The following SEC22B variants were observed in gnomAD, a reference collection of about 807,000 sequenced individuals.
SEC22B encodes SEC22 homolog B, vesicle trafficking protein, also known as vesicle-trafficking protein SEC22b.
SEC22B carries 10 observed loss-of-function variants against 31.4 expected under a neutral mutation model. The ratio of observed to expected loss-of-function variants is 0.32; its 90% CI spans 0.20 to 0.54. The LOEUF is 0.54. Among genes scored for constraint, SEC22B ranks in the 20% least tolerant of loss-of-function variants. The pLI is 0.94. For missense variants in SEC22B, 130 were observed against 263.4 expected, an observed-to-expected ratio of 0.49 and a Z score of 3.50; for synonymous variants, 60 against 95.9, an observed-to-expected ratio of 0.63 and a Z score of 2.19.
At chr1:120,157,325 C>T in intron 4 of SEC22B, 133 bp from the exon 5 acceptor site, 1 of 603,828 alleles carries the variant, frequency 1.7e-6, no homozygotes, top group Non-Finnish European at 2.6e-6. Flanking sequence ...TTAAGGCTAA[C>T]ATTGCATATA....
chr1:120,164,720 G>T (rs1657779291), intron 2 of SEC22B, among the ~76,000 whole-genome samples: 2 of 152,182 alleles, frequency 1.3e-5, no homozygotes, highest in South Asian at 4.1e-4. Context: ...GTGCTGCAAT[G>T]AATATGCAAG....
Position 120,160,489 on chromosome 1 carries a change from G to T in SEC22B, c.388C>A (p.Arg130Ser), listed in dbSNP as rs1241649159. The T allele has an allele frequency of 1.1e-5, 18 of 1,605,564 alleles. No homozygotes were observed. The highest frequency in any genetic ancestry group is 1.5e-5 in the Non-Finnish European group (18 of 1,175,418). The change falls in exon 4 of 5, where the codon CGT becomes AGT. Residue 130 changes from arginine to serine, a missense_variant. Physicochemically the swap from Arg to Ser is moderately radical, Grantham distance 110. Coordinates refer to ENST00000578049, the MANE Select transcript of SEC22B (RefSeq NM_004892.6). ...QKTKKLYIDS[R>S]ARRNLGSINT... is the part of the protein sequence containing the mutation. ...ATGGAGCCTAGATTTCTTCGAGCACGACTGTCAATGTAGAGCTTCTTGGTT... is the reference window on the plus strand; with the variant it reads ...ATGGAGCCTAGATTTCTTCGAGCACTACTGTCAATGTAGAGCTTCTTGGTT...
At chr1:120,169,064 A>T (rs1657854495) in intron 1 of SEC22B, 115 bp from the exon 2 acceptor site, 1 of 382,094 alleles carries the variant, frequency 2.6e-6, no homozygotes, top group African/African-American at 2.2e-5. Flanking sequence ...GGTAAGTAAG[A>T]TTCATTTTAA....
chr1:120,163,950 T>C (rs1308685202), intron 2 of SEC22B, among the ~76,000 whole-genome samples: 7 of 130,484 alleles, frequency 5.4e-5, no homozygotes, highest in Admixed American at 1.4e-4. Flanking sequence ...ATTCTCTTTT[T>C]TTTTTTTTTT....
At chr1:120,176,268 C>A in intron 1 of SEC22B, 39 bp downstream of exon 1, 2 of 1,592,510 alleles carry the variant, frequency 1.3e-6, no homozygotes. Context: ...AGCGCGCTGA[C>A]AGAGACTTGG....
In SEC22B at chr1:120,155,168, T is replaced by C. The variant is rs1484456884; in HGVS notation, c.*1870A>G. 7.9e-5 allele frequency: 12 copies of C among 152,126 alleles called. No individual in the cohort carries two copies. In the East Asian group the frequency reaches 2.1e-3, roughly 27 times the overall value. The allele number at this position is 152,126 out of a possible 1,614,324, so 9.4% of individuals were successfully genotyped here. A position where few individuals can be genotyped will look rare whatever the true frequency, so the allele number is the denominator to read the frequency against. Reference sequence around the variant, plus strand: ...AATGTATCTACAAAGGATATATGTATATAAATTAACTAGATAACAAAACTT... The same window carrying C: ...AATGTATCTACAAAGGATATATGTACATAAATTAACTAGATAACAAAACTT... On this transcript the variant is annotated 3_prime_UTR_variant, in exon 5 of 5. Transcript: ENST00000578049.
At chr1:120,163,863 C>A (rs1329804903) in intron 2 of SEC22B, among the ~76,000 whole-genome samples, 1 of 151,448 alleles carries the variant, frequency 6.6e-6, no homozygotes, top group Non-Finnish European at 1.5e-5. Context: ...CAGGCGTGAG[C>A]CACTGCACCC....
chr1:120,160,735 A>C (rs1403571915), intron 3 of SEC22B, among the ~76,000 whole-genome samples: 1 of 152,014 alleles, frequency 6.6e-6, no homozygotes, highest in Non-Finnish European at 1.5e-5. Context: ...TAAAAATATA[A>C]AAAGTTAGCC....
At chr1:120,160,167 A>C (rs1478992981) in intron 4 of SEC22B, among the ~76,000 whole-genome samples, 2 of 148,750 alleles carry the variant, frequency 1.3e-5, no homozygotes, top group Non-Finnish European at 3.0e-5. Flanking sequence ...CATTGCTTCT[A>C]ATATGGATGA....
intron 3 of SEC22B, among the ~76,000 whole-genome samples, chr1:120,162,064 TG>T (rs1273651135): frequency 1.4e-5 from 2 of 140,022 alleles, no homozygotes; most frequent in Non-Finnish European, 3.0e-5. Flanking sequence ...AACCTTCTTC[TG>T]GAAGTATCCC....
intron 2 of SEC22B, among the ~76,000 whole-genome samples, chr1:120,163,945 C>CTTTTT (rs1169530604): frequency 2.8e-3 from 196 of 68,860 alleles, no homozygotes; most frequent in Middle Eastern, 0.013. Flanking sequence ...ATTAGATTCT[C>CTTTTT]TTTTTTTTTT....
intron 2 of SEC22B, among the ~76,000 whole-genome samples, chr1:120,163,778 G>T (rs1657758404): frequency 6.6e-6 from 1 of 150,988 alleles, no homozygotes; most frequent in African/African-American, 2.5e-5. Context: ...GTTTCACCAC[G>T]TTGGTTGGCC....
chr1:120,160,487 A>T lies in SEC22B; in HGVS notation c.390T>A (p.Arg130=). 1 of 1,606,962 alleles carries T rather than the reference A, an allele frequency of 6.2e-7. No homozygotes were observed. The highest frequency in any genetic ancestry group is 8.5e-7 in the Non-Finnish European group (1 of 1,176,166). Residue 130 remains arginine (R), a synonymous_variant, in exon 4 of 5, where the codon CGT becomes CGA. Coordinates refer to ENST00000578049, the MANE Select transcript of SEC22B (RefSeq NM_004892.6). The part of the protein sequence containing the change: ...QKTKKLYIDS[R]ARRNLGSINT... Reference sequence around the variant, plus strand: ...TGATGGAGCCTAGATTTCTTCGAGCACGACTGTCAATGTAGAGCTTCTTGG... The same window carrying T: ...TGATGGAGCCTAGATTTCTTCGAGCTCGACTGTCAATGTAGAGCTTCTTGG...
chr1:120,163,954 T>C lies in SEC22B; in HGVS notation c.186-584A>G, dbSNP rs1477536239. Among the ~76,000 whole-genome samples the C allele has an allele frequency of 8.8e-4, 128 of 145,620 alleles. 1 individual carries two copies. Among genetic ancestry groups the C allele is most frequent in the African/African-American group, 3.0e-3 (119 of 39,266 alleles). ...TCATCCATTAGATTCTCTTTTTTTT[T>C]TTTTTTTTTTTTTTTGGAGACAGGG... On this transcript the variant is annotated intron_variant, in intron 2 of 4. Coordinates refer to ENST00000578049, the MANE Select transcript of SEC22B (RefSeq NM_004892.6).
rs1285090567 is a variant in SEC22B, at chr1:120,151,911, G to C, written c.*5127C>G. 6.6e-6 allele frequency: 1 copy of C among 152,028 alleles called. No individual in the cohort carries two copies. The highest frequency in any genetic ancestry group is 1.5e-5 in the Non-Finnish European group (1 of 68,014). The allele number at this position is 152,028 out of a possible 1,614,324, so 9.4% of individuals were successfully genotyped here. ...AGCAGAGGAGTCTAATGCAATGCGT[G>C]ACTTGTAGCTCAGGTAAAGGGGTGG... On this transcript the variant is annotated 3_prime_UTR_variant, in exon 5 of 5. Coordinates refer to ENST00000578049, the MANE Select transcript of SEC22B (RefSeq NM_004892.6).
chr1:120,170,516 T>G (rs2101132016), intron 1 of SEC22B, among the ~76,000 whole-genome samples: 1 of 151,538 alleles, frequency 6.6e-6, no homozygotes, highest in Admixed American at 6.6e-5. Flanking sequence ...TCAATAAGAA[T>G]AAGAAGGTGA....
intron 3 of SEC22B, among the ~76,000 whole-genome samples, chr1:120,161,192 G>A (rs1657712443): frequency 1.3e-5 from 2 of 152,070 alleles, no homozygotes; most frequent in African/African-American, 4.8e-5. Context: ...TAGGCTAAGT[G>A]TTACTTACCT....
rs1221912740 is a variant in SEC22B, at chr1:120,176,055, C to T, written c.75+252G>A. 6.6e-5 allele frequency among the ~76,000 whole-genome samples: 10 copies of T among 152,134 alleles called. No homozygotes were observed. In the East Asian group the frequency reaches 1.9e-3, roughly 29 times the overall value. On this transcript the variant is annotated intron_variant, in intron 1 of 4. Coordinates refer to ENST00000578049, the MANE Select transcript of SEC22B (RefSeq NM_004892.6). ...AAGAACACTGGGTGATCACAATCAA[C>T]CAAAGCTACCACTTCTCCAGAGCGT... is the stretch of plus-strand genomic sequence containing the variant.
At chr1:120,174,290 T>C (rs1294091146) in intron 1 of SEC22B, among the ~76,000 whole-genome samples, 2 of 152,308 alleles carry the variant, frequency 1.3e-5, no homozygotes, top group African/African-American at 2.4e-5. Flanking sequence ...CTTAGCACAG[T>C]GTTTGGTATG....
Sources: allele counts gnomAD v4.1 joint callset (sites outside exome capture counted in the v4.1 genomes callset), GRCh38; gene constraint gnomAD v4.1.1; transcripts MANE v1.5; gene names NCBI Gene and HGNC (gene_info 2026-07-23, HGNC 2026-07-21).